CNTN4: variants seen among roughly 807,000 people sequenced by gnomAD.
CNTN4 encodes the protein contactin 4.
A neutral mutation model predicts 122.5 loss-of-function variants in CNTN4; 77 were observed. The observed-to-expected ratio is 0.63, with a 90% CI of 0.52 to 0.76. CNTN4 has a LOEUF of 0.76. CNTN4 is among the 30% of genes least tolerant of loss of function. CNTN4 has a pLI of 0.00. For synonymous variants in CNTN4, 512 were observed against 447.0 expected (o/e 1.15, Z -1.83); for missense variants, 1,256 against 1,259.1 (o/e 1.00, Z 0.04).
At chr3:2,901,748 G>A (rs1347560844) in intron 11 of CNTN4, among the ~76,000 whole-genome samples, 1 of 152,212 alleles carries the variant, frequency 6.6e-6, no homozygotes, top group Non-Finnish European at 1.5e-5. Flanking sequence ...TGGGAGATCA[G>A]TCTCAAATCC....
At chr3:2,445,809 C>A (rs2048604469) in intron 3 of CNTN4, among the ~76,000 whole-genome samples, 1 of 152,084 alleles carries the variant, frequency 6.6e-6, no homozygotes, top group Non-Finnish European at 1.5e-5. Flanking sequence ...TTCCAGAACC[C>A]ATCTCTCTCC....
chr3:2,543,419 T>A (rs2078110237), intron 3 of CNTN4, among the ~76,000 whole-genome samples: 1 of 152,002 alleles, frequency 6.6e-6, no homozygotes, highest in African/African-American at 2.4e-5. Context: ...AGTGTTTCCG[T>A]CTTAGTGCTT....
Position 2,709,981 on chromosome 3 carries a change from C to G in CNTN4, c.56-26234C>G, listed in dbSNP as rs188556531. ...CTTAATGCTTATTGCTGAAACCCTC[C>G]TTTGTTAACATTTTAAATTGTCGCT... On this transcript the variant is annotated intron_variant, in intron 4 of 24. Transcript: ENST00000418658. This position sits in a 1 kb window ranked among gnomAD's most constrained non-coding sequence, Gnocchi z 5.0. 5.3e-5 allele frequency among the ~76,000 whole-genome samples: 8 copies of G among 152,256 alleles called. No individual in the cohort carries two copies. The East Asian group carries it at 1.5e-3, about 29-fold the overall frequency.
chr3:2,860,345 G>T (rs150701190), intron 7 of CNTN4, among the ~76,000 whole-genome samples: 1 of 152,140 alleles, frequency 6.6e-6, no homozygotes, highest in African/African-American at 2.4e-5. Flanking sequence ...TAGGAGTGGC[G>T]ACTGGTGGTC....
At chr3:3,031,094 C>T (rs2125676559) in intron 16 of CNTN4, 119 bp downstream of exon 16, 2 of 1,302,208 alleles carry the variant, frequency 1.5e-6, no homozygotes, top group South Asian at 2.4e-5. Flanking sequence ...AGAAGCTGAA[C>T]ATTGTAAACA....
At chr3:2,147,795 T>C (rs1487023784) in intron 2 of CNTN4, among the ~76,000 whole-genome samples, 1 of 152,204 alleles carries the variant, frequency 6.6e-6, no homozygotes, top group Admixed American at 6.5e-5. Flanking sequence ...ACTTACTGCT[T>C]TGATCAGACA....
intron 12 of CNTN4, among the ~76,000 whole-genome samples, chr3:2,923,124 A>G (rs2094444200): frequency 6.6e-6 from 1 of 152,208 alleles, no homozygotes; most frequent in South Asian, 2.1e-4. Flanking sequence ...TGTGTTGTGC[A>G]CAGTTTGATT....
At chr3:2,396,121 CT>C (rs2046631760) in intron 3 of CNTN4, among the ~76,000 whole-genome samples, 1 of 151,816 alleles carries the variant, frequency 6.6e-6, no homozygotes, top group South Asian at 2.1e-4. Context: ...ACTTCCCGAG[CT>C]CAGGTGCTTC....
intron 4 of CNTN4, among the ~76,000 whole-genome samples, chr3:2,699,947 G>C (rs1169673516): frequency 6.6e-6 from 1 of 152,156 alleles, no homozygotes; most frequent in Non-Finnish European, 1.5e-5. Context: ...TGATGAAGGA[G>C]ATGATGTCTC....
At chr3:2,695,707 A>G (rs914134928) in intron 4 of CNTN4, among the ~76,000 whole-genome samples, 1 of 152,204 alleles carries the variant, frequency 6.6e-6, no homozygotes, top group Non-Finnish European at 1.5e-5. Flanking sequence ...TTGTCAGATC[A>G]TTTCAATATG....
Position 2,143,219 on chromosome 3 carries a change from G to A in CNTN4, c.-145+42580G>A, listed in dbSNP as rs142474874. Among the ~76,000 whole-genome samples the A allele has an allele frequency of 2.2e-3, 328 of 152,126 alleles. 1 individual carries two copies. Among genetic ancestry groups the A allele is most frequent in the African/African-American group, 7.4e-3 (305 of 41,490 alleles). On this transcript the variant is annotated intron_variant, in intron 2 of 24. Coordinates refer to ENST00000418658, the MANE Select transcript of CNTN4 (RefSeq NM_175607.3). ...TTCTTTGTTACTTAGAATTAACCAT[G>A]ACCAGATCAATTAATAAAATAGTTC...
chr3:2,213,561 A>G (rs2038710445), intron 2 of CNTN4, among the ~76,000 whole-genome samples: 2 of 152,196 alleles, frequency 1.3e-5, no homozygotes, highest in South Asian at 4.1e-4. Context: ...ATCAGCATTA[A>G]TATATAAACT....
chr3:2,333,069 C>T (rs1001562741), intron 2 of CNTN4, among the ~76,000 whole-genome samples: 1 of 152,106 alleles, frequency 6.6e-6, no homozygotes, highest in Non-Finnish European at 1.5e-5. Flanking sequence ...CTCCAATGAG[C>T]TGTCCTAATT....
At chr3:2,452,355 T>C (rs1575662743) in intron 3 of CNTN4, among the ~76,000 whole-genome samples, 1 of 152,186 alleles carries the variant, frequency 6.6e-6, no homozygotes, top group Non-Finnish European at 1.5e-5. Context: ...GCATGCATCA[T>C]GCGAATTCAC....
chr3:2,335,542 C>T (rs2043916932), intron 2 of CNTN4, among the ~76,000 whole-genome samples: 2 of 150,934 alleles, frequency 1.3e-5, no homozygotes, highest in Non-Finnish European at 2.9e-5. Flanking sequence ...TTCTTTCCCC[C>T]TGTAAAGCAG....
chr3:3,045,214 C>G (rs746694298), intron 23 of CNTN4, among the ~76,000 whole-genome samples: 2 of 152,210 alleles, frequency 1.3e-5, no homozygotes, highest in Non-Finnish European at 2.9e-5. Context: ...CAGGGCATAG[C>G]CAAACAAAAG....
At chr3:3,015,635 A>C (rs546188377) in intron 14 of CNTN4, among the ~76,000 whole-genome samples, 1 of 152,348 alleles carries the variant, frequency 6.6e-6, no homozygotes, top group South Asian at 2.1e-4. Context: ...CAGGTTAAAC[A>C]GAAAAAGAGG....
chr3:2,313,293 A>G (rs973633666), intron 2 of CNTN4, among the ~76,000 whole-genome samples: 5 of 152,002 alleles, frequency 3.3e-5, no homozygotes, highest in South Asian at 2.1e-4. Context: ...GATTAAAAAT[A>G]TTAAGGAAAA....
chr3:2,829,624 T>G (rs1277024222), intron 7 of CNTN4, among the ~76,000 whole-genome samples: 1 of 152,242 alleles, frequency 6.6e-6, no homozygotes, highest in Non-Finnish European at 1.5e-5. Flanking sequence ...ACTGACATAC[T>G]TTTTGCCTTT....
Sources: gnomAD v4.1 joint callset for allele counts (sites outside exome capture counted in the v4.1 genomes callset) on GRCh38, gnomAD v4.1.1 for gene constraint, Gnocchi (gnomAD v3.1) non-coding constraint, MANE v1.5 for transcripts, NCBI Gene and HGNC (gene_info 2026-07-23, HGNC 2026-07-21) for gene names.